The following RALYL variants were observed in gnomAD, a reference collection of about 807,000 sequenced individuals.
RALYL encodes RALY RNA binding protein like, also known as RNA-binding Raly-like protein.
Under a neutral mutation model 35.1 loss-of-function variants are expected in RALYL, and 29 were observed. The observed-to-expected ratio is 0.83, with a 90% CI of 0.61 to 1.13. The LOEUF (loss-of-function observed/expected upper bound fraction) is 1.13. Ranked by LOEUF, RALYL falls within the 50% of genes most tolerant of loss-of-function variation. The probability of loss-of-function intolerance (pLI) is 0.00; values close to 1 mark genes in which losing one functional copy is unlikely to be tolerated. For synonymous variants in RALYL, 120 were observed against 127.6 expected, an observed-to-expected ratio of 0.94 and a Z score of 0.40; for missense variants, 359 against 360.4, an observed-to-expected ratio of 1.00 and a Z score of 0.03.
At chr8:84,234,312 G>A (rs1826009959) in intron 1 of RALYL, among the ~76,000 whole-genome samples, 1 of 151,846 alleles carries the variant, frequency 6.6e-6, no homozygotes, top group South Asian at 2.1e-4. Flanking sequence ...TTTGTAGAAA[G>A]CTCTGTAAAG....
intron 1 of RALYL, among the ~76,000 whole-genome samples, chr8:84,226,264 C>G (rs1053429303): frequency 6.6e-6 from 1 of 152,146 alleles, no homozygotes; most frequent in Non-Finnish European, 1.5e-5. Flanking sequence ...GAAACCATCC[C>G]CATCTATACC....
intron 1 of RALYL, among the ~76,000 whole-genome samples, chr8:84,429,238 A>G (rs907592708): frequency 6.6e-6 from 1 of 152,186 alleles, no homozygotes; most frequent in Non-Finnish European, 1.5e-5. Flanking sequence ...TGCTTAAATC[A>G]TTGAAAAGGA....
chr8:84,340,691 T>C (rs2130875397), intron 1 of RALYL, among the ~76,000 whole-genome samples: 1 of 152,188 alleles, frequency 6.6e-6, no homozygotes, highest in Middle Eastern at 3.4e-3. Flanking sequence ...ATTGCTTGTA[T>C]ATAATACATT....
At chr8:84,220,785 T>C (rs13259252) in intron 1 of RALYL, among the ~76,000 whole-genome samples, 1 of 151,652 alleles carries the variant, frequency 6.6e-6, no homozygotes, top group African/African-American at 2.4e-5. Context: ...ATGGAAGTAG[T>C]ACATAAATGA....
At chr8:84,861,509 GGTTTTAA>G (rs1245362809) in intron 5 of RALYL, among the ~76,000 whole-genome samples, 1 of 152,040 alleles carries the variant, frequency 6.6e-6, no homozygotes, top group Non-Finnish European at 1.5e-5. Flanking sequence ...TTTCCGCAAA[GGTTTTAA>G]GTTTTATTGA....
intron 1 of RALYL, among the ~76,000 whole-genome samples, chr8:84,262,246 A>G (rs1036238365): frequency 6.6e-6 from 1 of 152,160 alleles, no homozygotes; most frequent in Non-Finnish European, 1.5e-5. Flanking sequence ...CACGAGTGGA[A>G]AAATATAGTG....
chr8:84,467,736 A>G (rs2051934136), intron 1 of RALYL, among the ~76,000 whole-genome samples: 1 of 150,816 alleles, frequency 6.6e-6, no homozygotes, highest in Non-Finnish European at 1.5e-5. Context: ...TAATGTTGAC[A>G]GTGGAGTGTT....
chr8:84,614,086 G>A (rs1316539439), intron 2 of RALYL, among the ~76,000 whole-genome samples: 1 of 151,184 alleles, frequency 6.6e-6, no homozygotes, highest in Non-Finnish European at 1.5e-5. Flanking sequence ...TCCACTAATA[G>A]TACCTATGAC....
In RALYL at chr8:84,887,619, A is replaced by G. The variant is rs746144568; in HGVS notation, c.701A>G (p.Gln234Arg). Reference sequence around the variant, plus strand: ...CCCCCCCCAGAAGCTCAGAAGAAGCAATTGGAAGAGAGTCTAGTGCTGATC... The same window carrying G: ...CCCCCCCCAGAAGCTCAGAAGAAGCGATTGGAAGAGAGTCTAGTGCTGATC... ...QKAEAEAQKK[Q>R]LEESLVLIQE... is the part of the protein sequence containing the mutation. Residue 234 changes from glutamine (Q) to arginine (R), a missense_variant, in exon 8 of 9, where the codon CAA (glutamine) becomes CGA (arginine). By Grantham distance (43) the Gln-to-Arg change is conservative. Coordinates refer to ENST00000521268, the MANE Select transcript of RALYL (RefSeq NM_173848.7). 2.5e-6 allele frequency: 4 copies of G among 1,603,114 alleles called. No individual in the cohort carries two copies. In the African/African-American group the frequency reaches 5.4e-5, roughly 21 times the overall value.
intron 1 of RALYL, among the ~76,000 whole-genome samples, chr8:84,474,599 A>T (rs1487950926): frequency 6.6e-6 from 1 of 151,922 alleles, no homozygotes. Context: ...TACCTAAGAG[A>T]TTTCTTTGCA....
At chr8:84,342,277 AATATAT>A (rs57901276) in intron 1 of RALYL, among the ~76,000 whole-genome samples, 3,357 of 66,150 alleles carry the variant, frequency 0.051, 597 homozygotes, top group Admixed American at 0.08. Flanking sequence ...AGCATCGTTC[AATATAT>A]ATATATATAT....
At chr8:84,782,378 C>T (rs373142036) in intron 3 of RALYL, among the ~76,000 whole-genome samples, 2 of 152,290 alleles carry the variant, frequency 1.3e-5, no homozygotes, top group East Asian at 1.9e-4. Context: ...ACTTGAGCTG[C>T]TACTTAAGAC....
intron 2 of RALYL, among the ~76,000 whole-genome samples, chr8:84,594,122 G>T (rs147298462): frequency 6.6e-6 from 1 of 151,768 alleles, no homozygotes. Context: ...TCCTCATTCA[G>T]TTCATATTTC....
rs73301208 is a variant in RALYL at position 84,863,753 on chromosome 8, G to T, written c.571+1300G>T. 5.4e-3 allele frequency among the ~76,000 whole-genome samples: 815 copies of T among 152,252 alleles called. 4 individuals carry two copies. The highest frequency in any genetic ancestry group is 0.018 in the African/African-American group (766 of 41,542). On this transcript the variant is annotated intron_variant, in intron 6 of 8. Transcript: ENST00000521268. ...GCTTCTGAAAAGGCTAAAGTTTGTT[G>T]TACTCAACAAACTTTGTGGACCTAA...
intron 2 of RALYL, among the ~76,000 whole-genome samples, chr8:84,633,533 TA>T (rs1043143831): frequency 1.3e-5 from 2 of 151,890 alleles, no homozygotes; most frequent in Admixed American, 6.6e-5. Flanking sequence ...TTCCTTTTGG[TA>T]AAATGTTATT....
chr8:84,568,784 C>A (rs1160979504), intron 2 of RALYL, among the ~76,000 whole-genome samples: 2 of 144,590 alleles, frequency 1.4e-5, no homozygotes, highest in African/African-American at 5.1e-5. Context: ...TTTTGATTTG[C>A]ATTTCTCTGA....
At chr8:84,711,201 G>T (rs1275494109) in intron 2 of RALYL, among the ~76,000 whole-genome samples, 2 of 152,084 alleles carry the variant, frequency 1.3e-5, no homozygotes, top group Non-Finnish European at 2.9e-5. Flanking sequence ...GGTCAAAAAA[G>T]CATGAGGAAC....
intron 2 of RALYL, among the ~76,000 whole-genome samples, chr8:84,753,960 T>A (rs916469948): frequency 2.6e-5 from 4 of 152,116 alleles, no homozygotes; most frequent in Non-Finnish European, 1.5e-5. Flanking sequence ...TCTGTTCATG[T>A]CCTTCGCCCA....
intron 2 of RALYL, among the ~76,000 whole-genome samples, chr8:84,603,933 TTTG>T (rs1379023656): frequency 8.9e-4 from 136 of 152,058 alleles, no homozygotes; most frequent in African/African-American, 3.0e-3. Flanking sequence ...GTTTTTTTTG[TTTG>T]TTTGTTTGTT....
Sources: allele counts gnomAD v4.1 joint callset (sites outside exome capture counted in the v4.1 genomes callset), GRCh38; gene constraint gnomAD v4.1.1; transcripts MANE v1.5; gene names NCBI Gene and HGNC (gene_info 2026-07-23, HGNC 2026-07-21).